The following AFF3 variants were observed in gnomAD, a reference collection of about 807,000 sequenced individuals.
The protein encoded by AFF3 is ALF transcription elongation factor 3, also known as AF4/FMR2 family member 3.
In AFF3, 32 loss-of-function variants were observed where a neutral mutation model predicts 129.7. The ratio of observed to expected loss-of-function variants is 0.25; its 90% CI spans 0.19 to 0.33. The LOEUF is 0.33. Among genes scored for constraint, AFF3 ranks in the 10% least tolerant of loss-of-function variants. The pLI is 1.00. For synonymous variants in AFF3, 644 were observed against 635.4 expected (o/e 1.01, Z -0.20); for missense variants, 1,373 against 1,592.0 (o/e 0.86, Z 2.34).
chr2:99,738,886 T>A (rs7582469), intron 10 of AFF3, among the ~76,000 whole-genome samples: 111,618 of 151,920 alleles, frequency 0.73, 41,887 homozygotes, highest in East Asian at 0.92. Flanking sequence ...TTTGTTTATT[T>A]CCCTTGAGAA....
chr2:99,998,716 G>A (rs570755189), intron 7 of AFF3, among the ~76,000 whole-genome samples: 2 of 152,146 alleles, frequency 1.3e-5, no homozygotes, highest in South Asian at 2.1e-4. Context: ...AGACATACAC[G>A]GCTTATGTTC....
intron 8 of AFF3, among the ~76,000 whole-genome samples, chr2:99,837,245 A>T (rs776516707): frequency 1.3e-5 from 2 of 152,192 alleles, no homozygotes; most frequent in African/African-American, 2.4e-5. Flanking sequence ...TCTGTCTTCC[A>T]GCTGATCACT....
At chr2:99,893,133 A>T (rs1005450744) in intron 7 of AFF3, among the ~76,000 whole-genome samples, 1 of 152,198 alleles carries the variant, frequency 6.6e-6, no homozygotes, top group African/African-American at 2.4e-5. Flanking sequence ...AGCTTTGCTA[A>T]AAAAATCCAC....
intron 12 of AFF3, among the ~76,000 whole-genome samples, chr2:99,667,000 C>T (rs2104393734): frequency 6.6e-6 from 1 of 152,224 alleles, no homozygotes; most frequent in Admixed American, 6.5e-5. Context: ...AGCAATGAGA[C>T]AGAAAGTCCA....
At chr2:99,560,883 A>G (rs1404015055) in intron 20 of AFF3, among the ~76,000 whole-genome samples, 1 of 152,114 alleles carries the variant, frequency 6.6e-6, no homozygotes, top group African/African-American at 2.4e-5. Context: ...TTGTTATGTA[A>G]CTTTTACTTT....
At chr2:100,087,702 T>C (rs956738893) in intron 4 of AFF3, among the ~76,000 whole-genome samples, 9 of 151,768 alleles carry the variant, frequency 5.9e-5, no homozygotes, top group African/African-American at 1.7e-4. Flanking sequence ...AAGAAGAAAA[T>C]AGGCAACTGT....
chr2:100,050,749 T>A (rs1191664220), intron 4 of AFF3, among the ~76,000 whole-genome samples: 1 of 152,136 alleles, frequency 6.6e-6, no homozygotes, highest in Non-Finnish European at 1.5e-5. Flanking sequence ...CATTACCCCC[T>A]CATCTCCCAG....
At chr2:99,907,476 T>C (rs1694796051) in intron 7 of AFF3, among the ~76,000 whole-genome samples, 1 of 152,142 alleles carries the variant, frequency 6.6e-6, no homozygotes, top group Non-Finnish European at 1.5e-5. Flanking sequence ...TTCTTAATGC[T>C]TCACTGTGAA....
At chr2:100,096,353 AC>A (rs1188605801) in intron 4 of AFF3, among the ~76,000 whole-genome samples, 3 of 150,940 alleles carry the variant, frequency 2.0e-5, no homozygotes, top group African/African-American at 7.3e-5. Flanking sequence ...TTTACTTCCC[AC>A]CATATCTCCA....
At chr2:100,074,466 C>A (rs1201942447) in intron 4 of AFF3, among the ~76,000 whole-genome samples, 2 of 152,218 alleles carry the variant, frequency 1.3e-5, no homozygotes, top group East Asian at 3.8e-4. Context: ...TATGCTTGCA[C>A]TTACGTATAT....
chr2:99,746,407 A>G (rs890635289), intron 9 of AFF3, among the ~76,000 whole-genome samples: 2 of 152,152 alleles, frequency 1.3e-5, no homozygotes, highest in Non-Finnish European at 1.5e-5. Flanking sequence ...AAGAAATTCT[A>G]CTGAAACAGT....
chr2:99,675,026 G>T (rs1037185624), intron 11 of AFF3, among the ~76,000 whole-genome samples: 1 of 152,128 alleles, frequency 6.6e-6, no homozygotes, highest in Non-Finnish European at 1.5e-5. Context: ...GCACCTCTGG[G>T]GCTGAGCATT....
chr2:99,981,254 G>A (rs1020474656), intron 7 of AFF3, among the ~76,000 whole-genome samples: 18 of 152,140 alleles, frequency 1.2e-4, no homozygotes, highest in African/African-American at 3.4e-4. Context: ...CCAACCTCAG[G>A]TGATCCGCCC....
intron 13 of AFF3, among the ~76,000 whole-genome samples, chr2:99,618,695 T>A (rs1221747851): frequency 6.6e-6 from 1 of 152,200 alleles, no homozygotes; most frequent in African/African-American, 2.4e-5. Flanking sequence ...ACATTACCCA[T>A]CTGGTCATTT....
At chr2:100,137,701 A>G (rs1692692737) in intron 1 of AFF3, among the ~76,000 whole-genome samples, 2 of 152,162 alleles carry the variant, frequency 1.3e-5, no homozygotes, top group Admixed American at 1.3e-4. Flanking sequence ...GGGACCTCTC[A>G]TCTGTGTTTC....
intron 4 of AFF3, among the ~76,000 whole-genome samples, chr2:100,026,535 A>G (rs1684055436): frequency 6.6e-6 from 1 of 152,098 alleles, no homozygotes; most frequent in Non-Finnish European, 1.5e-5. Context: ...TGATCCTGCA[A>G]TCCCACTACT....
intron 7 of AFF3, among the ~76,000 whole-genome samples, chr2:99,866,865 A>T (rs1691440804): frequency 6.6e-6 from 1 of 151,364 alleles, no homozygotes; most frequent in Non-Finnish European, 1.5e-5. Context: ...AATCCCAGCT[A>T]CTTGGGAGGC....
chr2:99,973,024 T>C (rs898899886), intron 7 of AFF3, among the ~76,000 whole-genome samples: 2 of 152,182 alleles, frequency 1.3e-5, no homozygotes, highest in Non-Finnish European at 2.9e-5. Flanking sequence ...CTGGGCATAA[T>C]AGTAGGCTTT....
chr2:99,852,731 T>A (rs549140008), intron 7 of AFF3, among the ~76,000 whole-genome samples: 1 of 152,300 alleles, frequency 6.6e-6, no homozygotes, highest in Admixed American at 6.5e-5. Flanking sequence ...TAGTGTGATG[T>A]AAAAAGGCTG....
Sources: allele counts gnomAD v4.1 joint callset (sites outside exome capture counted in the v4.1 genomes callset), GRCh38; gene constraint gnomAD v4.1.1; transcripts MANE v1.5; gene names NCBI Gene and HGNC (gene_info 2026-07-23, HGNC 2026-07-21).